Variants in ERBB4 observed in about 807,000 individuals in gnomAD.
The protein encoded by ERBB4 is erb-b2 receptor tyrosine kinase 4, also known as receptor tyrosine-protein kinase erbB-4.
In ERBB4, 42 loss-of-function variants were observed where a neutral mutation model predicts 158.0. The observed-to-expected ratio is 0.27, with a 90% CI of 0.21 to 0.34. The LOEUF (loss-of-function observed/expected upper bound fraction) is 0.34. Ranked by LOEUF, ERBB4 falls within the 10% of genes least tolerant of loss-of-function variation. The pLI is 1.00. For missense variants in ERBB4, 1,333 were observed against 1,624.1 expected (o/e 0.82, Z 3.08); for synonymous variants, 583 against 558.7 (o/e 1.04, Z -0.61).
chr2:212,038,508 A>G (rs2077066369), intron 2 of ERBB4, among the ~76,000 whole-genome samples: 1 of 152,140 alleles, frequency 6.6e-6, no homozygotes, highest in South Asian at 2.1e-4. Flanking sequence ...TCAAAAATGT[A>G]TGTCTAAAAT....
chr2:211,832,599 CGT>C (rs1264072210), intron 3 of ERBB4, among the ~76,000 whole-genome samples: 1 of 149,210 alleles, frequency 6.7e-6, no homozygotes, highest in Non-Finnish European at 1.5e-5. Context: ...TACACATAAA[CGT>C]GTGTGTGTAT....
At chr2:211,688,431 G>A (rs1218808904) in intron 12 of ERBB4, among the ~76,000 whole-genome samples, 1 of 151,960 alleles carries the variant, frequency 6.6e-6, no homozygotes, top group African/African-American at 2.4e-5. Flanking sequence ...TCTCTCTCAA[G>A]GCACTTAGCC....
At chr2:212,493,998 C>T (rs1388504088) in intron 1 of ERBB4, among the ~76,000 whole-genome samples, 1 of 151,654 alleles carries the variant, frequency 6.6e-6, no homozygotes, top group African/African-American at 2.4e-5. Flanking sequence ...GAATTCTTAC[C>T]TCTAATTTAA....
chr2:211,418,084 ATTTT>A (rs56391296), intron 25 of ERBB4, among the ~76,000 whole-genome samples: 1 of 147,284 alleles, frequency 6.8e-6, no homozygotes, highest in Admixed American at 6.8e-5. Flanking sequence ...AAAATGCATT[ATTTT>A]TTTTTTTTTT....
chr2:212,147,390 A>G (rs2080718522), intron 1 of ERBB4, among the ~76,000 whole-genome samples: 1 of 151,966 alleles, frequency 6.6e-6, no homozygotes, highest in African/African-American at 2.4e-5. Context: ...TTAATCCAGC[A>G]TCATTTAAGA....
chr2:211,435,757 C>T (rs904052442), intron 20 of ERBB4, among the ~76,000 whole-genome samples: 6 of 152,166 alleles, frequency 3.9e-5, no homozygotes, highest in African/African-American at 1.2e-4. Context: ...TCTCCCCTGC[C>T]GGGCCCCCAC....
intron 1 of ERBB4, among the ~76,000 whole-genome samples, chr2:212,178,452 T>C (rs1575754830): frequency 6.6e-6 from 1 of 151,756 alleles, no homozygotes; most frequent in African/African-American, 2.4e-5. Context: ...CAAGACTTGA[T>C]GATGAATCAA....
rs574228394 is a variant in ERBB4 at position 211,643,188 on chromosome 2, C to G, written c.1947-12594G>C. On this transcript the variant is annotated intron_variant, in intron 16 of 27. Coordinates refer to ENST00000342788, the MANE Select transcript of ERBB4 (RefSeq NM_005235.3). Reference sequence around the variant, plus strand: ...CTCTCTGCATCTTGGTGTAAACATACAACAAAATTCTTGCCAATGAAATGA... The same window carrying G: ...CTCTCTGCATCTTGGTGTAAACATAGAACAAAATTCTTGCCAATGAAATGA... 1.6e-4 allele frequency among the ~76,000 whole-genome samples: 25 copies of G among 152,134 alleles called. No homozygotes were observed. The South Asian group carries it at 4.6e-3, about 28-fold the overall frequency.
At chr2:212,115,833 A>G (rs1030389649) in intron 2 of ERBB4, among the ~76,000 whole-genome samples, 1 of 152,154 alleles carries the variant, frequency 6.6e-6, no homozygotes, top group African/African-American at 2.4e-5. Flanking sequence ...TAAAATTAAG[A>G]CAAGCCTATA....
chr2:211,466,511 A>G (rs1488394490), intron 20 of ERBB4, among the ~76,000 whole-genome samples: 1 of 152,084 alleles, frequency 6.6e-6, no homozygotes, highest in Non-Finnish European at 1.5e-5. Context: ...ATTCTTTGGT[A>G]CTGACTTACA....
chr2:211,531,084 A>G (rs1284646883), intron 20 of ERBB4, among the ~76,000 whole-genome samples: 1 of 152,102 alleles, frequency 6.6e-6, no homozygotes, highest in Non-Finnish European at 1.5e-5. Context: ...CCTTTTATAA[A>G]TGGTTCTGGG....
chr2:211,426,644 C>T (rs2063634747), intron 22 of ERBB4, among the ~76,000 whole-genome samples: 1 of 151,902 alleles, frequency 6.6e-6, no homozygotes, highest in Non-Finnish European at 1.5e-5. Context: ...GACTGTTCTG[C>T]CCAGTTTATA....
chr2:211,597,891 A>G (rs2068685832), intron 19 of ERBB4, among the ~76,000 whole-genome samples: 1 of 152,294 alleles, frequency 6.6e-6, no homozygotes, highest in Non-Finnish European at 1.5e-5. Flanking sequence ...AAAAAGAAAG[A>G]TTATATCTTT....
intron 19 of ERBB4, among the ~76,000 whole-genome samples, chr2:211,597,882 AAAAG>A (rs2068685592): frequency 6.6e-6 from 1 of 152,180 alleles, no homozygotes; most frequent in Admixed American, 6.5e-5. Context: ...AATTTCCCCA[AAAAG>A]AAAGATTATA....
intron 2 of ERBB4, among the ~76,000 whole-genome samples, chr2:211,973,881 C>G (rs912396570): frequency 9.9e-5 from 15 of 152,126 alleles, no homozygotes; most frequent in African/African-American, 3.6e-4. Flanking sequence ...GACATGTACA[C>G]CATGGAAACT....
chr2:212,119,555 C>A (rs930596245), intron 2 of ERBB4, among the ~76,000 whole-genome samples: 1 of 152,110 alleles, frequency 6.6e-6, no homozygotes, highest in Admixed American at 6.6e-5. Flanking sequence ...GACAATAGCA[C>A]AAAATCTGTG....
At chr2:211,457,697 G>T (rs2064418212) in intron 20 of ERBB4, among the ~76,000 whole-genome samples, 1 of 152,178 alleles carries the variant, frequency 6.6e-6, no homozygotes, top group Non-Finnish European at 1.5e-5. Flanking sequence ...AACTGACAAG[G>T]AAAGTGATGT....
chr2:211,514,002 C>A (rs908351906), intron 20 of ERBB4, among the ~76,000 whole-genome samples: 4 of 152,076 alleles, frequency 2.6e-5, no homozygotes, highest in African/African-American at 9.7e-5. Flanking sequence ...TCTCTTCTAG[C>A]TATTTTGAAA....
chr2:211,695,202 C>A (rs1221146597), intron 12 of ERBB4, among the ~76,000 whole-genome samples: 2 of 152,152 alleles, frequency 1.3e-5, no homozygotes, highest in African/African-American at 2.4e-5. Context: ...TGGCCTGCTT[C>A]AATTCTGGAC....
Sources: allele counts gnomAD v4.1 joint callset (sites outside exome capture counted in the v4.1 genomes callset), GRCh38; gene constraint gnomAD v4.1.1; transcripts MANE v1.5; gene names NCBI Gene and HGNC (gene_info 2026-07-23, HGNC 2026-07-21).